The following FAM53A variants were observed in gnomAD, a reference collection of about 807,000 sequenced individuals.
The protein encoded by FAM53A is protein FAM53A.
Under a neutral mutation model 26.6 loss-of-function variants are expected in FAM53A, and 28 were observed. The observed-to-expected ratio is 1.05, with a 90% CI of 0.78 to 1.45. The LOEUF (loss-of-function observed/expected upper bound fraction) is 1.45. Among genes scored for constraint, FAM53A ranks in the 40% most tolerant of loss-of-function variants. The probability of loss-of-function intolerance (pLI) is 0.00; values close to 1 mark genes in which losing one functional copy is unlikely to be tolerated. For synonymous variants in FAM53A, 290 were observed against 253.1 expected, an observed-to-expected ratio of 1.15 and a Z score of -1.38; for missense variants, 650 against 575.8, an observed-to-expected ratio of 1.13 and a Z score of -1.32.
At chr4:1,617,907 G>A (rs750299779), downstream of FAM53A, 32 of 396,246 alleles carry the variant, frequency 8.1e-5, no homozygotes, top group Non-Finnish European at 1.4e-4. Context: ...GGAGCAGTCG[G>A]CAGCTGCTGG....
chr4:1,619,898 A>G (rs951145880), intron 1 of FAM53A, among the ~76,000 whole-genome samples: 1 of 152,114 alleles, frequency 6.6e-6, no homozygotes, highest in African/African-American at 2.4e-5. Flanking sequence ...TGGTCTCCAC[A>G]TTTCCTTATA....
chr4:1,598,813 C>T, the FAM53A span, among the ~76,000 whole-genome samples: 1 of 152,250 alleles, frequency 6.6e-6, no homozygotes, highest in African/African-American at 2.4e-5. Context: ...GCGGGCGGAG[C>T]GTAATGAAAT....
intron 1 of FAM53A, among the ~76,000 whole-genome samples, chr4:1,675,949 A>G (rs1234864011): frequency 1.3e-5 from 2 of 152,238 alleles, no homozygotes; most frequent in Non-Finnish European, 2.9e-5. Flanking sequence ...TGGCCGCCTC[A>G]CGGGACAGCG....
chr4:1,641,140 C>T lies in FAM53A; in HGVS notation c.*153G>A, dbSNP rs1387465303. The T allele has an allele frequency of 1.5e-4, 88 of 605,790 alleles. No individual in the cohort carries two copies. The highest frequency in any genetic ancestry group is 1.4e-3 in the East Asian group (50 of 34,678). 37.5% of individuals were successfully genotyped at this position (605,790 alleles called of 1,614,324 possible). ...CTCTGTGCCCCAGGGCAGGTGCCGG[C>T]GGCAGCCGTGGCCCCGACCAGCTCA... On this transcript the variant is annotated 3_prime_UTR_variant, in exon 5 of 5. Transcript: ENST00000308132.
At chr4:1,666,954 C>A (rs1714279610) in intron 2 of FAM53A, among the ~76,000 whole-genome samples, 1 of 152,164 alleles carries the variant, frequency 6.6e-6, no homozygotes, top group South Asian at 2.1e-4. Flanking sequence ...ATGGTGAAAC[C>A]CTGTCTCTAC....
At chr4:1,682,687 TTC>T (rs1421943687) in intron 1 of FAM53A, among the ~76,000 whole-genome samples, 6 of 152,134 alleles carry the variant, frequency 3.9e-5, no homozygotes, top group East Asian at 3.8e-4. Flanking sequence ...CTCTTCCTAT[TTC>T]TGTTTCCTGT....
chr4:1,625,751 G>A (rs1015085982), intron 1 of FAM53A, among the ~76,000 whole-genome samples: 7 of 127,850 alleles, frequency 5.5e-5, no homozygotes, highest in Admixed American at 7.6e-5. Context: ...AAGGCCCCAC[G>A]TCCCGGCCCA....
intron 1 of FAM53A, among the ~76,000 whole-genome samples, chr4:1,631,916 AC>A (rs1410527898): frequency 6.6e-6 from 1 of 152,164 alleles, no homozygotes; most frequent in Non-Finnish European, 1.5e-5. Flanking sequence ...TAATCCCAAC[AC>A]TTTGGGAGGC....
intron 4 of FAM53A, chr4:1,644,983 T>G (rs1183761303): frequency 6.6e-6 from 1 of 152,288 alleles, no homozygotes; most frequent in Admixed American, 6.5e-5. Context: ...TTTACTCTCT[T>G]GAGAAAGCGC....
At chr4:1,581,148 C>T in the FAM53A span, among the ~76,000 whole-genome samples, 2 of 1,594 alleles carry the variant, frequency 1.3e-3, 1 homozygote. Flanking sequence ...AGGGCCCCGC[C>T]TCCCACCCAG....
rs1433864191 is a variant in FAM53A, at chr4:1,633,044, GTACATGCTCATGCGCACACA to G, written c.432-14953_432-14934del. Among the ~76,000 whole-genome samples the G allele has an allele frequency of 7.2e-3, 1,090 of 152,254 alleles. 15 individuals carry two copies. Among genetic ancestry groups the G allele is most frequent in the African/African-American group, 0.025 (1,026 of 41,514 alleles). ...TACACGCTCATGCTCACACGCATAG[GTACATGCTCATGCGCACACA>G]CATAGGTACACGCTCATGTGCACAC... On this transcript the variant is annotated intron_variant, in intron 1 of 1. Coordinates refer to the FAM53A transcript ENST00000489029.
At chr4:1,617,983 C>A in exon 2 of FAM53A, 1 of 455,246 alleles carries the variant, frequency 2.2e-6, no homozygotes, top group South Asian at 1.6e-5. Flanking sequence ...ACAGAACTGA[C>A]GTGTGTCACG....
At chr4:1,575,769 G>C in the FAM53A span, among the ~76,000 whole-genome samples, 9,529 of 152,158 alleles carry the variant, frequency 0.063, 992 homozygotes, top group African/African-American at 0.22. Context: ...GGCAGAATGA[G>C]GAGGCTGCTG....
intron 1 of FAM53A, among the ~76,000 whole-genome samples, chr4:1,628,894 G>A (rs1292745424): frequency 4.0e-5 from 6 of 151,696 alleles, no homozygotes; most frequent in Non-Finnish European, 5.9e-5. Flanking sequence ...GCCCACTGCA[G>A]GGTCCCCTAC....
intron 4 of FAM53A, among the ~76,000 whole-genome samples, chr4:1,641,818 C>G (rs2108807652): frequency 6.6e-6 from 1 of 152,184 alleles, no homozygotes; most frequent in East Asian, 1.9e-4. Context: ...AACCAGCTGG[C>G]CCCTCAGCTC....
At chr4:1,663,514 G>C (rs762517630) in intron 2 of FAM53A, among the ~76,000 whole-genome samples, 1 of 152,078 alleles carries the variant, frequency 6.6e-6, no homozygotes, top group Non-Finnish European at 1.5e-5. Flanking sequence ...TCTCAAACAC[G>C]AACCTGATCG....
At position 1,661,238 on chromosome 4, in the gene FAM53A, C is replaced by T. The variant is rs555772003; in HGVS notation, c.76-3770G>A. Among the ~76,000 whole-genome samples, 117 of 152,270 alleles carry T rather than the reference C, an allele frequency of 7.7e-4. 2 individuals carry two copies. Among genetic ancestry groups the T allele is most frequent in the African/African-American group, 2.2e-3 (92 of 41,550 alleles). On this transcript the variant is annotated intron_variant, in intron 2 of 4. Coordinates refer to ENST00000308132, the MANE Select transcript of FAM53A (RefSeq NM_001174070.3). ...AGGCTCCCACCCTCACAGGCTCCCACGGCCATGGGAACCTCCACCTGGCTG... is the reference window on the plus strand; with the variant it reads ...AGGCTCCCACCCTCACAGGCTCCCATGGCCATGGGAACCTCCACCTGGCTG...
chr4:1,666,856 G>C lies in FAM53A; in HGVS notation c.75+1811C>G, dbSNP rs916658319. Among the ~76,000 whole-genome samples the C allele has an allele frequency of 2.0e-5, 3 of 152,358 alleles. 1 individual carries two copies. In the South Asian group the frequency reaches 6.2e-4, roughly 32 times the overall value. ...TAAAAATACAAAATTTAGGCTGGGT[G>C]TGGTGGCTCACGCCTGTAATCCCAG... On this transcript the variant is annotated intron_variant, in intron 2 of 4. Transcript: ENST00000308132.
At chr4:1,583,696 G>A in the FAM53A span, among the ~76,000 whole-genome samples, 12 of 152,192 alleles carry the variant, frequency 7.9e-5, no homozygotes, top group African/African-American at 7.2e-5. Context: ...CCCTCCTCCC[G>A]GGGCTTGTGC....
Sources: allele counts gnomAD v4.1 joint callset (sites outside exome capture counted in the v4.1 genomes callset), GRCh38; gene constraint gnomAD v4.1.1; transcripts MANE v1.5; gene names NCBI Gene and HGNC (gene_info 2026-07-23, HGNC 2026-07-21).